TRHDE: variants seen among roughly 807,000 people sequenced by gnomAD.
TRHDE encodes the protein thyrotropin releasing hormone degrading enzyme.
Under a neutral mutation model 125.7 loss-of-function variants are expected in TRHDE, and 72 were observed. The observed-to-expected ratio is 0.57, with a 90% CI of 0.47 to 0.70. The LOEUF (loss-of-function observed/expected upper bound fraction) is 0.70, where lower values mean the gene tolerates loss of function less well. Among genes scored for constraint, TRHDE ranks in the 30% least tolerant of loss-of-function variants. The pLI is 0.00. For synonymous variants in TRHDE, 509 were observed against 509.1 expected, an observed-to-expected ratio of 1.00 and a Z score of 0.00; for missense variants, 1,110 against 1,327.1, an observed-to-expected ratio of 0.84 and a Z score of 2.54.
chr12:72,102,104 T>C (rs751402063), intron 1 of TRHDE, among the ~76,000 whole-genome samples: 7 of 152,160 alleles, frequency 4.6e-5, no homozygotes, highest in Non-Finnish European at 7.4e-5. Context: ...ATGAACACAA[T>C]TGGGAGTGTA....
At chr12:72,225,643 C>G (rs1464935306) in intron 2 of TRHDE, among the ~76,000 whole-genome samples, 1 of 152,166 alleles carries the variant, frequency 6.6e-6, no homozygotes, top group Non-Finnish European at 1.5e-5. Context: ...GAAAGGTCAA[C>G]TGTATTGTTT....
intron 7 of TRHDE, among the ~76,000 whole-genome samples, chr12:72,549,298 G>A (rs896027548): frequency 2.0e-5 from 3 of 151,860 alleles, no homozygotes; most frequent in Non-Finnish European, 4.4e-5. Context: ...GTTGAAAACT[G>A]CAGGCTTACA....
At chr12:72,108,531 T>G (rs1386010936) in intron 2 of TRHDE, among the ~76,000 whole-genome samples, 1 of 152,134 alleles carries the variant, frequency 6.6e-6, no homozygotes, top group African/African-American at 2.4e-5. Context: ...TAAGCTAATG[T>G]GAGTGCCAGC....
chr12:72,389,794 G>T (rs372100374), intron 3 of TRHDE, among the ~76,000 whole-genome samples: 170 of 152,236 alleles, frequency 1.1e-3, no homozygotes, highest in African/African-American at 3.9e-3. Flanking sequence ...AGCAGGCAAG[G>T]TCTGGTGTGA....
intron 5 of TRHDE, among the ~76,000 whole-genome samples, chr12:72,489,543 T>C (rs1012891110): frequency 2.0e-5 from 3 of 151,776 alleles, no homozygotes; most frequent in African/African-American, 7.3e-5. Flanking sequence ...GCCCAGGCAA[T>C]CTTCAGCAAA....
At chr12:72,377,120 A>G (rs999654967) in intron 2 of TRHDE, among the ~76,000 whole-genome samples, 1 of 152,174 alleles carries the variant, frequency 6.6e-6, no homozygotes, top group African/African-American at 2.4e-5. Context: ...CTGCTCCACA[A>G]AATACATATT....
chr12:72,397,827 A>T (rs181864180), intron 3 of TRHDE, among the ~76,000 whole-genome samples: 120 of 151,690 alleles, frequency 7.9e-4, no homozygotes, highest in East Asian at 1.7e-3. Context: ...TTAATTAATT[A>T]ATTTATTTAT....
At chr12:72,402,602 T>C (rs1286377288) in intron 3 of TRHDE, among the ~76,000 whole-genome samples, 1 of 152,228 alleles carries the variant, frequency 6.6e-6, no homozygotes, top group Non-Finnish European at 1.5e-5. Context: ...CCCACCCTAA[T>C]GATATCATCT....
intron 2 of TRHDE, among the ~76,000 whole-genome samples, chr12:72,323,621 G>A (rs1334688220): frequency 6.6e-6 from 1 of 152,100 alleles, no homozygotes; most frequent in Admixed American, 6.6e-5. Context: ...TACAAAAGAA[G>A]CTAATCCGTA....
At chr12:72,350,576 T>C (rs545015125) in intron 2 of TRHDE, among the ~76,000 whole-genome samples, 2 of 152,102 alleles carry the variant, frequency 1.3e-5, no homozygotes, top group South Asian at 4.1e-4. Flanking sequence ...CCTATGCTGA[T>C]GTATAGGCCC....
At chr12:72,358,710 G>A (rs1350603334) in intron 2 of TRHDE, among the ~76,000 whole-genome samples, 1 of 151,546 alleles carries the variant, frequency 6.6e-6, no homozygotes, top group Non-Finnish European at 1.5e-5. Flanking sequence ...GCTCAGCCAA[G>A]CCAAAAGAGA....
At chr12:72,207,134 C>T (rs1317370223) in intron 2 of TRHDE, among the ~76,000 whole-genome samples, 1 of 152,112 alleles carries the variant, frequency 6.6e-6, no homozygotes, top group Non-Finnish European at 1.5e-5. Flanking sequence ...ATACTTCATC[C>T]TTTTGAGAAA....
At chr12:72,424,913 G>A (rs1032863865) in intron 3 of TRHDE, among the ~76,000 whole-genome samples, 2 of 151,960 alleles carry the variant, frequency 1.3e-5, no homozygotes, top group Non-Finnish European at 2.9e-5. Flanking sequence ...AATTCTTTGA[G>A]AGTAGCTACT....
At chr12:72,651,378 T>A (rs970496989) in intron 15 of TRHDE, among the ~76,000 whole-genome samples, 2 of 152,068 alleles carry the variant, frequency 1.3e-5, no homozygotes, top group Non-Finnish European at 2.9e-5. Flanking sequence ...ATAGCAGTAT[T>A]TTAATCATCA....
intron 4 of TRHDE, among the ~76,000 whole-genome samples, chr12:72,470,840 C>A (rs1009427562): frequency 6.9e-6 from 1 of 144,204 alleles, no homozygotes; most frequent in African/African-American, 2.6e-5. Context: ...CCGGGTCAGA[C>A]GACCGTTCTA....
intron 3 of TRHDE, among the ~76,000 whole-genome samples, chr12:72,407,665 C>T (rs1003418918): frequency 1.4e-4 from 21 of 152,100 alleles, no homozygotes; most frequent in African/African-American, 4.8e-4. Context: ...GGAATCAGAA[C>T]ATAAGAGAAT....
chr12:72,510,624 T>C (rs982787468), intron 6 of TRHDE, among the ~76,000 whole-genome samples: 2 of 152,090 alleles, frequency 1.3e-5, no homozygotes, highest in African/African-American at 2.4e-5. Context: ...ATTGTTTAAA[T>C]AGAAAATATG....
At chr12:72,504,054 C>T (rs1368108116) in intron 6 of TRHDE, among the ~76,000 whole-genome samples, 1 of 152,022 alleles carries the variant, frequency 6.6e-6, no homozygotes, top group African/African-American at 2.4e-5. Context: ...GTAATGGATG[C>T]CACCTCAGAA....
intron 1 of TRHDE, among the ~76,000 whole-genome samples, chr12:72,094,622 T>C (rs1289325871): frequency 1.3e-5 from 2 of 152,364 alleles, no homozygotes; most frequent in South Asian, 2.1e-4. Context: ...ACAGGACCAC[T>C]TCAGGGTCCT....
Sources: allele counts gnomAD v4.1 joint callset (sites outside exome capture counted in the v4.1 genomes callset), GRCh38; gene constraint gnomAD v4.1.1; transcripts MANE v1.5; gene names NCBI Gene and HGNC (gene_info 2026-07-23, HGNC 2026-07-21).